FTO: variants seen among roughly 807,000 people sequenced by gnomAD.
FTO encodes FTO alpha-ketoglutarate dependent dioxygenase, also known as alpha-ketoglutarate-dependent dioxygenase FTO.
A neutral mutation model predicts 63.9 loss-of-function variants in FTO; 47 were observed. The observed-to-expected ratio is 0.74, with a 90% CI of 0.58 to 0.94. The LOEUF (loss-of-function observed/expected upper bound fraction) is 0.94, where lower values mean the gene tolerates loss of function less well. FTO is among the 40% of genes least tolerant of loss of function. The probability of loss-of-function intolerance (pLI) is 0.00; values close to 1 mark genes in which losing one functional copy is unlikely to be tolerated. For synonymous variants in FTO, 207 were observed against 224.4 expected, an observed-to-expected ratio of 0.92 and a Z score of 0.69; for missense variants, 562 against 618.1, an observed-to-expected ratio of 0.91 and a Z score of 0.96.
At chr16:54,003,727 A>G (rs1051689827) in intron 8 of FTO, among the ~76,000 whole-genome samples, 4 of 152,208 alleles carry the variant, frequency 2.6e-5, no homozygotes, top group Admixed American at 2.6e-4. Flanking sequence ...TTTTAAAAAG[A>G]AGGGCTGTAT....
intron 8 of FTO, among the ~76,000 whole-genome samples, chr16:54,080,597 AG>A (rs1259080394): frequency 6.6e-6 from 1 of 152,234 alleles, no homozygotes; most frequent in East Asian, 1.9e-4. Context: ...AACCACAGGC[AG>A]GGTGGCCTTG....
At chr16:53,851,561 T>TCA (rs1287435945) in intron 4 of FTO, among the ~76,000 whole-genome samples, 6 of 152,190 alleles carry the variant, frequency 3.9e-5, no homozygotes, top group African/African-American at 1.4e-4. Flanking sequence ...ATGTAGACAT[T>TCA]CTCTTTCCCC....
At chr16:54,057,754 AT>A (rs1357480664) in intron 8 of FTO, among the ~76,000 whole-genome samples, 2 of 152,054 alleles carry the variant, frequency 1.3e-5, no homozygotes, top group African/African-American at 4.8e-5. Flanking sequence ...TGCTCGCCCG[AT>A]ATATAAATGC....
intron 8 of FTO, among the ~76,000 whole-genome samples, chr16:54,020,824 T>C (rs550563944): frequency 1.3e-5 from 2 of 152,184 alleles, no homozygotes; most frequent in South Asian, 2.1e-4. Flanking sequence ...ATACAAAAAT[T>C]AGCTGGGCAT....
chr16:53,974,745 T>G (rs2083398299), intron 8 of FTO, among the ~76,000 whole-genome samples: 1 of 151,120 alleles, frequency 6.6e-6, no homozygotes, highest in South Asian at 2.1e-4. Flanking sequence ...GATAAATGGA[T>G]TATCTTAAAT....
chr16:54,016,309 A>G (rs1302909207), intron 8 of FTO, among the ~76,000 whole-genome samples: 1 of 150,260 alleles, frequency 6.7e-6, no homozygotes, highest in Admixed American at 6.6e-5. Context: ...AAAAAAAAAA[A>G]AAAAAACTGG....
intron 8 of FTO, among the ~76,000 whole-genome samples, chr16:54,010,396 A>G (rs2084308191): frequency 6.6e-6 from 1 of 152,098 alleles, no homozygotes; most frequent in African/African-American, 2.4e-5. Context: ...ACAGAGCAAG[A>G]CTCTGCCTCA....
intron 1 of FTO, among the ~76,000 whole-genome samples, chr16:53,742,345 G>A (rs1009769057): frequency 2.0e-5 from 3 of 152,152 alleles, no homozygotes; most frequent in Non-Finnish European, 2.9e-5. Context: ...ACCCCTAGCT[G>A]CAAGAAAGTC....
chr16:53,934,392 C>G (rs1022344249), intron 8 of FTO, among the ~76,000 whole-genome samples: 4 of 152,188 alleles, frequency 2.6e-5, no homozygotes, highest in African/African-American at 9.7e-5. Flanking sequence ...GTACCTGATG[C>G]TGAAGAACCC....
At chr16:53,726,999 A>T (rs1265857091) in intron 1 of FTO, among the ~76,000 whole-genome samples, 1 of 152,244 alleles carries the variant, frequency 6.6e-6, no homozygotes, top group Non-Finnish European at 1.5e-5. Context: ...AAATGTGCAT[A>T]AAAAAATCAG....
intron 7 of FTO, chr16:53,911,273 G>T (rs1464492154): frequency 1.5e-6 from 1 of 659,606 alleles, no homozygotes; most frequent in South Asian, 1.7e-5. Context: ...GAGTAAAGGA[G>T]AACAAAGTAG....
intron 8 of FTO, among the ~76,000 whole-genome samples, chr16:54,028,760 AT>A (rs532657988): frequency 1.7e-3 from 263 of 152,266 alleles, no homozygotes; most frequent in Non-Finnish European, 3.1e-3. Context: ...TGAAATAATA[AT>A]AAATTATACT....
intron 7 of FTO, among the ~76,000 whole-genome samples, chr16:53,894,261 G>A (rs2081223366): frequency 6.6e-6 from 1 of 152,176 alleles, no homozygotes; most frequent in African/African-American, 2.4e-5. Context: ...GAAGGCCCTT[G>A]CCAGGAGCCT....
At chr16:53,980,366 G>A (rs1203104907) in intron 8 of FTO, among the ~76,000 whole-genome samples, 1 of 152,128 alleles carries the variant, frequency 6.6e-6, no homozygotes, top group African/African-American at 2.4e-5. Flanking sequence ...ACCTGTTTAT[G>A]CATTTTTCAT....
At chr16:54,026,934 G>A (rs2084726682) in intron 8 of FTO, among the ~76,000 whole-genome samples, 1 of 152,082 alleles carries the variant, frequency 6.6e-6, no homozygotes, top group South Asian at 2.1e-4. Context: ...ATCATATATT[G>A]ATTTTCCTAG....
Position 54,111,971 on chromosome 16 carries a change from G to T in FTO, c.*56G>T, listed in dbSNP as rs571869687. The T allele has an allele frequency of 3.8e-6, 6 of 1,597,464 alleles. No individual in the cohort carries two copies. The highest frequency in any genetic ancestry group is 5.1e-6 in the Non-Finnish European group (6 of 1,166,146). ...AAGAGATCGGCTTTTCTCCTCCAAC[G>T]TTGTCATGGGCTTAAGCAAGAGCAG... On this transcript the variant is annotated 3_prime_UTR_variant, in exon 9 of 9. Transcript: ENST00000471389.
intron 1 of FTO, among the ~76,000 whole-genome samples, chr16:53,792,075 CAAAAAAAA>C (rs10606857): frequency 2.2e-5 from 3 of 138,596 alleles, no homozygotes; most frequent in Admixed American, 7.5e-5. Context: ...GACTTCGTCT[CAAAAAAAA>C]AAAAAAAAAA....
At chr16:53,907,293 C>G (rs577183314) in intron 7 of FTO, among the ~76,000 whole-genome samples, 4 of 152,294 alleles carry the variant, frequency 2.6e-5, no homozygotes, top group African/African-American at 9.6e-5. Flanking sequence ...CTACCCTTGG[C>G]AAGATCATCT....
intron 4 of FTO, among the ~76,000 whole-genome samples, chr16:53,857,034 C>T (rs2080020202): frequency 6.6e-6 from 1 of 151,846 alleles, no homozygotes; most frequent in South Asian, 2.1e-4. Flanking sequence ...GATGCCACAA[C>T]TTTTTCCCCT....
Sources: gnomAD v4.1 joint callset for allele counts (sites outside exome capture counted in the v4.1 genomes callset) on GRCh38, gnomAD v4.1.1 for gene constraint, MANE v1.5 for transcripts, NCBI Gene and HGNC (gene_info 2026-07-23, HGNC 2026-07-21) for gene names.